The following NSRP1 variants were observed in gnomAD, a reference collection of about 807,000 sequenced individuals.
The protein encoded by NSRP1 is nuclear speckle splicing regulatory protein 1.
NSRP1 carries 24 observed loss-of-function variants against 54.7 expected under a neutral mutation model. The ratio of observed to expected loss-of-function variants is 0.44; its 90% CI spans 0.32 to 0.62. NSRP1 has a LOEUF of 0.62. NSRP1 is among the 20% of genes least tolerant of loss of function. The pLI is 0.06. For synonymous variants in NSRP1, 210 were observed against 213.8 expected, an observed-to-expected ratio of 0.98 and a Z score of 0.15; for missense variants, 596 against 651.2, an observed-to-expected ratio of 0.92 and a Z score of 0.92.
intron 2 of NSRP1, among the ~76,000 whole-genome samples, chr17:30,130,918 T>C (rs1014747510): frequency 2.0e-5 from 3 of 152,236 alleles, no homozygotes; most frequent in East Asian, 1.9e-4. Flanking sequence ...TCAACAGATA[T>C]TTATTGATCA....
At position 30,135,794 on chromosome 17, in the gene NSRP1, C is replaced by T. The variant is rs1411526928; in HGVS notation, c.114+17621C>T. Among the ~76,000 whole-genome samples the T allele has an allele frequency of 3.3e-5, 5 of 151,994 alleles. No homozygotes were observed. The East Asian group carries it at 7.7e-4, about 24-fold the overall frequency. On this transcript the variant is annotated intron_variant, in intron 2 of 6. Coordinates refer to ENST00000247026, the MANE Select transcript of NSRP1 (RefSeq NM_032141.4). ...GTTGGCACCAGTTTTTGATGAGGAC[C>T]GGGGTGGTAGATACTGTGCATCTCA...
At chr17:30,127,754 A>G (rs911941094) in intron 2 of NSRP1, 3 of 357,016 alleles carry the variant, frequency 8.4e-6, no homozygotes, top group Non-Finnish European at 1.5e-5. Flanking sequence ...CTTTTTAACC[A>G]CTTTAAAAGA....
chr17:30,133,328 G>A (rs970157694), intron 2 of NSRP1, among the ~76,000 whole-genome samples: 1 of 152,124 alleles, frequency 6.6e-6, no homozygotes, highest in Non-Finnish European at 1.5e-5. Flanking sequence ...TGGATAGTGT[G>A]TTGATAGGCC....
chr17:30,171,972 A>ACACTCTCT (rs1169988659), intron 2 of NSRP1, among the ~76,000 whole-genome samples: 4 of 46,560 alleles, frequency 8.6e-5, no homozygotes, highest in African/African-American at 1.2e-4. Flanking sequence ...ACACACACAC[A>ACACTCTCT]CTCCCTCTCT....
In NSRP1 at chr17:30,185,462, C is replaced by G. The variant is rs1905497408; in HGVS notation, c.1465C>G (p.Pro489Ala). 3 of 1,609,194 alleles carry G rather than the reference C, an allele frequency of 1.9e-6. No homozygotes were observed. ...GGACAAAGAAAGAAACCAAGAGAAA[C>G]CCTCTAATTCTGAATCATCACTGGG... Reference protein sequence around the residue: ...AKDKERNQEKPSNSESSLGAK... With the variant: ...AKDKERNQEKASNSESSLGAK... The change falls in exon 7 of 7, where the codon CCC becomes GCC. Residue 489 changes from proline to alanine, a missense_variant. Pro to Ala is a conservative substitution (Grantham distance 27, BLOSUM62 -1). Coordinates refer to ENST00000247026, the MANE Select transcript of NSRP1 (RefSeq NM_032141.4).
In NSRP1 at chr17:30,178,600, A is replaced by G. The variant is rs565016264; in HGVS notation, c.300+401A>G. ...ATCATGATTTTATTTTCAGTGAGAAAAAAATTTGGGAGGGGTAAAAACTGA... is the reference window on the plus strand; with the variant it reads ...ATCATGATTTTATTTTCAGTGAGAAGAAAATTTGGGAGGGGTAAAAACTGA... On this transcript the variant is annotated intron_variant, in intron 4 of 6. Coordinates refer to ENST00000247026, the MANE Select transcript of NSRP1 (RefSeq NM_032141.4). Among the ~76,000 whole-genome samples, 151 of 152,290 alleles carry G rather than the reference A, an allele frequency of 9.9e-4. 2 individuals carry two copies. In the Middle Eastern group the frequency reaches 0.01, roughly 10 times the overall value.
intron 2 of NSRP1, among the ~76,000 whole-genome samples, chr17:30,141,620 T>G (rs1413998576): frequency 1.3e-5 from 2 of 152,236 alleles, no homozygotes; most frequent in African/African-American, 2.4e-5. Flanking sequence ...TATATACCTT[T>G]ACATACATAT....
intron 2 of NSRP1, chr17:30,128,364 A>G (rs2071669634): frequency 6.6e-6 from 1 of 152,030 alleles, no homozygotes; most frequent in Admixed American, 6.5e-5. Context: ...ACTCAATTTT[A>G]CTATAAGAAA....
At chr17:30,122,138 T>C in intron 2 of NSRP1, among the ~76,000 whole-genome samples, 1 of 151,724 alleles carries the variant, frequency 6.6e-6, no homozygotes. Flanking sequence ...TCTTTATTTC[T>C]TTTTTTATTA....
intron 2 of NSRP1, among the ~76,000 whole-genome samples, chr17:30,153,369 C>T (rs953128643): frequency 6.6e-6 from 1 of 152,084 alleles, no homozygotes; most frequent in Admixed American, 6.6e-5. Context: ...TTGAAATGTA[C>T]ACATTTCATT....
chr17:30,123,657 C>T (rs1216168203), intron 2 of NSRP1, among the ~76,000 whole-genome samples: 1 of 152,088 alleles, frequency 6.6e-6, no homozygotes. Context: ...CAAAGATTTC[C>T]ACTATGTTTT....
intron 2 of NSRP1, 101 bp downstream of exon 2, chr17:30,118,274 C>A: frequency 2.5e-6 from 2 of 791,240 alleles, no homozygotes; most frequent in Non-Finnish European, 4.1e-6. Flanking sequence ...TTTGTCAGTA[C>A]AGTGGAGTAT....
At chr17:30,157,855 A>G (rs1904363894) in intron 2 of NSRP1, among the ~76,000 whole-genome samples, 1 of 152,172 alleles carries the variant, frequency 6.6e-6, no homozygotes, top group Non-Finnish European at 1.5e-5. Context: ...ATTATGGCCA[A>G]ATAGTATTCT....
At chr17:30,181,665 C>G (rs1043452126) in intron 6 of NSRP1, among the ~76,000 whole-genome samples, 3 of 148,938 alleles carry the variant, frequency 2.0e-5, no homozygotes, top group African/African-American at 7.5e-5. Flanking sequence ...GGCTGGAGTG[C>G]AATGGCGCGA....
intron 3 of NSRP1, among the ~76,000 whole-genome samples, chr17:30,176,332 CG>C (rs1905125024): frequency 6.6e-6 from 1 of 152,076 alleles, no homozygotes; most frequent in Non-Finnish European, 1.5e-5. Context: ...CAGCCCTGGC[CG>C]GGTGCAGTGG....
intron 1 of NSRP1, 135 bp downstream of exon 1, chr17:30,116,998 G>A: frequency 1.1e-5 from 13 of 1,145,506 alleles, no homozygotes; most frequent in Non-Finnish European, 1.7e-5. Context: ...AAAACGAGAA[G>A]TCCTGAGGAA....
chr17:30,128,907 AG>A, intron 2 of NSRP1, among the ~76,000 whole-genome samples: 1 of 151,562 alleles, frequency 6.6e-6, no homozygotes, highest in East Asian at 1.9e-4. Flanking sequence ...GCAGACAATG[AG>A]TGGTTTTTTT....
intron 3 of NSRP1, among the ~76,000 whole-genome samples, chr17:30,174,495 C>G (rs1327561874): frequency 6.6e-6 from 1 of 152,122 alleles, no homozygotes; most frequent in Non-Finnish European, 1.5e-5. Context: ...GTACTTTAAA[C>G]TATTTTTTTC....
intron 2 of NSRP1, among the ~76,000 whole-genome samples, chr17:30,154,867 C>G (rs549629989): frequency 7.0e-4 from 106 of 152,172 alleles, no homozygotes; most frequent in Non-Finnish European, 8.2e-4. Context: ...TTTGAGCATA[C>G]TGTTGACACT....
Sources: allele counts gnomAD v4.1 joint callset (sites outside exome capture counted in the v4.1 genomes callset), GRCh38; gene constraint gnomAD v4.1.1; transcripts MANE v1.5; gene names NCBI Gene and HGNC (gene_info 2026-07-23, HGNC 2026-07-21).